The following KIAA1755 variants were observed in gnomAD, a reference collection of about 807,000 sequenced individuals.
The protein encoded by KIAA1755 is uncharacterized protein KIAA1755.
Under a neutral mutation model 91.7 loss-of-function variants are expected in KIAA1755, and 68 were observed. The observed-to-expected ratio is 0.74, with a 90% CI of 0.61 to 0.91. The LOEUF (loss-of-function observed/expected upper bound fraction) is 0.91, where lower values mean the gene tolerates loss of function less well. Among genes scored for constraint, KIAA1755 ranks in the 40% least tolerant of loss-of-function variants. KIAA1755 has a pLI of 0.00. For missense variants in KIAA1755, 1,535 were observed against 1,494.4 expected (o/e 1.03, Z -0.45); for synonymous variants, 610 against 604.6 (o/e 1.01, Z -0.13).
Position 38,241,549 on chromosome 20 carries a change from C to T in KIAA1755, c.582G>A (p.Val194=). ...GCCCCCAGGCTTGGCAGAGGGCATTCACTACTTGGGGTCTGTCATCCACAA... is the reference window on the plus strand; with the variant it reads ...GCCCCCAGGCTTGGCAGAGGGCATTTACTACTTGGGGTCTGTCATCCACAA... ...PEFVDDRPQV[V]NALCQAWGPL... The change falls in exon 3 of 14, where the codon GTG becomes GTA. Residue 194 remains valine, a synonymous_variant. Coordinates refer to ENST00000279024, the MANE Select transcript of KIAA1755 (RefSeq NM_001029864.2). 1.9e-6 allele frequency: 3 copies of T among 1,614,252 alleles called. No individual in the cohort carries two copies. Among genetic ancestry groups the T allele is most frequent in the Non-Finnish European group, 2.5e-6 (3 of 1,180,040 alleles).
At chr20:38,225,572 G>C in intron 8 of KIAA1755, 93 bp downstream of exon 8, 1 of 842,802 alleles carries the variant, frequency 1.2e-6, no homozygotes, top group Non-Finnish European at 2.1e-6. Flanking sequence ...TTATTTTTTA[G>C]CATAGCAGGG....
chr20:38,234,634 T>C (rs1046725101), intron 4 of KIAA1755, among the ~76,000 whole-genome samples: 6 of 152,212 alleles, frequency 3.9e-5, no homozygotes, highest in African/African-American at 1.4e-4. Context: ...AAGGTCACGC[T>C]GATGTAGGTA....
intron 13 of KIAA1755, among the ~76,000 whole-genome samples, chr20:38,216,036 A>G (rs2075538165): frequency 6.6e-6 from 1 of 152,122 alleles, no homozygotes; most frequent in Non-Finnish European, 1.5e-5. Context: ...TAATAGTAGT[A>G]CCTGTCTCAT....
rs558973591 is a variant in KIAA1755 at position 38,246,417 on chromosome 20, A to C, written c.4-291T>G. 1.0e-3 allele frequency among the ~76,000 whole-genome samples: 143 copies of C among 143,704 alleles called. 1 individual carries two copies. The highest frequency in any genetic ancestry group is 1.7e-3 in the Non-Finnish European group (112 of 65,358). 94.3% of individuals were successfully genotyped at this position (143,704 alleles called of 152,430 possible). On this transcript the variant is annotated intron_variant, in intron 1 of 13. Coordinates refer to ENST00000279024, the MANE Select transcript of KIAA1755 (RefSeq NM_001029864.2). The stretch of plus-strand genomic sequence containing the variant: ...ACACCTCTTGCAGGTCTTTGCTCAA[A>C]TGTCATCTGCTGATCCACGGAGACG...
In KIAA1755 at chr20:38,213,279, C is replaced by G. The variant is rs1426505860; in HGVS notation, c.3366G>C (p.Gln1122His). ...PPRGEQNRTF[Q>H]AGSPPQEAGQ... ...CAGCTTCCTGGGGTGGAGAGCCTGCCTGGAAAGTTCTGTTCTGTTCCCCTC... is the reference window on the plus strand; with the variant it reads ...CAGCTTCCTGGGGTGGAGAGCCTGCGTGGAAAGTTCTGTTCTGTTCCCCTC... The change falls in exon 14 of 14, where the codon CAG (glutamine) becomes CAC (histidine). Residue 1122 changes from glutamine to histidine, a missense_variant. Coordinates refer to ENST00000279024, the MANE Select transcript of KIAA1755 (RefSeq NM_001029864.2). The G allele has an allele frequency of 6.2e-7, 1 of 1,613,760 alleles. No homozygotes were observed. Among genetic ancestry groups the G allele is most frequent in the Non-Finnish European group, 8.5e-7 (1 of 1,179,930 alleles).
At chr20:38,220,577 G>C (rs991519049) in intron 10 of KIAA1755, among the ~76,000 whole-genome samples, 2 of 152,174 alleles carry the variant, frequency 1.3e-5, no homozygotes, top group African/African-American at 4.8e-5. Context: ...GCCTCCAAAA[G>C]TGCTGGCATT....
chr20:38,219,866 C>T, intron 10 of KIAA1755, 98 bp from the exon 11 acceptor site: 4 of 1,479,000 alleles, frequency 2.7e-6, no homozygotes, highest in South Asian at 1.3e-5. Context: ...TCTGTGGCCC[C>T]AGCCTGGGTT....
intron 11 of KIAA1755, among the ~76,000 whole-genome samples, chr20:38,219,017 A>G (rs540652140): frequency 5.8e-4 from 88 of 152,310 alleles, no homozygotes; most frequent in African/African-American, 2.0e-3. Flanking sequence ...GATCCAATGT[A>G]GCACGTACTG....
intron 1 of KIAA1755, chr20:38,260,182 C>T: frequency 1.4e-6 from 2 of 1,406,684 alleles, no homozygotes; most frequent in Non-Finnish European, 1.9e-6. Flanking sequence ...TGCAAAACCA[C>T]CCCGTTTCAG....
At chr20:38,250,600 G>A (rs2076234350) in intron 1 of KIAA1755, among the ~76,000 whole-genome samples, 1 of 151,700 alleles carries the variant, frequency 6.6e-6, no homozygotes, top group African/African-American at 2.4e-5. Flanking sequence ...CAGTTCCCCT[G>A]TATGGAGACA....
rs2076076856 is a variant in KIAA1755 at position 38,241,927 on chromosome 20, AG to A, written c.203del (p.Ala68ValfsTer17). ...GTAAGAAGAGGCAGTGTGAGTAGGGAGCCTGTGGAGAGAAGGGGATGGCATC... is the reference window on the plus strand; with the variant it reads ...GTAAGAAGAGGCAGTGTGAGTAGGGACCTGTGGAGAGAAGGGGATGGCATC... ...LCEQVREAAC[A>X]PYSHCLFLHE... On this transcript the variant is annotated frameshift_variant and splice_region_variant, in exon 3 of 14. Transcript: ENST00000279024. LOFTEE classifies it high-confidence loss of function. 1 of 1,608,386 alleles carries A rather than the reference AG, an allele frequency of 6.2e-7. No homozygotes were observed. Among genetic ancestry groups the A allele is most frequent in the Non-Finnish European group, 8.5e-7 (1 of 1,176,754 alleles).
In KIAA1755 at chr20:38,215,911, G is replaced by A. The variant is rs144877722; in HGVS notation, c.2901+1342C>T. On this transcript the variant is annotated intron_variant, in intron 13 of 13. Transcript: ENST00000279024. ...CTTCCATTGAAATCTGTCATTAGCT[G>A]GTAAGGCTGGCAGTAGAGCCAGATG... 1.7e-3 allele frequency among the ~76,000 whole-genome samples: 256 copies of A among 152,306 alleles called. 1 individual carries two copies. The highest frequency in any genetic ancestry group is 5.8e-3 in the African/African-American group (241 of 41,562).
chr20:38,223,478 C>G, intron 9 of KIAA1755, 60 bp downstream of exon 9: 1 of 1,224,848 alleles, frequency 8.2e-7, no homozygotes, highest in Non-Finnish European at 1.1e-6. Context: ...TCTCGAAGCC[C>G]TTGGTCCATG....
chr20:38,250,001 C>T (rs1314972006), intron 1 of KIAA1755, among the ~76,000 whole-genome samples: 2 of 152,174 alleles, frequency 1.3e-5, no homozygotes, highest in Non-Finnish European at 2.9e-5. Context: ...GGGCCTCTTT[C>T]CTTGTGTAAA....
rs2076054458 is a variant in KIAA1755, at chr20:38,241,139, GA to G, written c.991del (p.Ser331ProfsTer44). On this transcript the variant is annotated frameshift_variant, in exon 3 of 14. Transcript: ENST00000279024. LOFTEE classifies it high-confidence loss of function. ...CTTTGTGCAAGCCCGATTTCCCAAG[GA>G]AGGTCCTTCATTGGCCTCTGAGAGA... ...LPLSEANEGP[S>X]LGNRACTKPE... 4 of 1,614,086 alleles carry G rather than the reference GA, an allele frequency of 2.5e-6. No homozygotes were observed. Among genetic ancestry groups the G allele is most frequent in the South Asian group, 1.1e-5 (1 of 91,084 alleles).
At chr20:38,254,611 C>T (rs779980695) in intron 1 of KIAA1755, among the ~76,000 whole-genome samples, 2 of 149,906 alleles carry the variant, frequency 1.3e-5, no homozygotes, top group Non-Finnish European at 3.0e-5. Flanking sequence ...AACATAGTGA[C>T]AGCCTGTCTC....
intron 12 of KIAA1755, chr20:38,217,706 G>A (rs535157516): frequency 7.6e-5 from 44 of 578,190 alleles, no homozygotes; most frequent in East Asian, 2.6e-4. Context: ...CCAGGCCCTC[G>A]CCATGGCAGT....
In KIAA1755 at chr20:38,217,422, G is replaced by A. The variant is rs763163945; in HGVS notation, c.2732C>T (p.Ala911Val). The change falls in exon 13 of 14, where the codon GCT becomes GTT. Residue 911 changes from alanine to valine, a missense_variant. By Grantham distance (64) the Ala-to-Val change is moderately conservative. Coordinates refer to ENST00000279024, the MANE Select transcript of KIAA1755 (RefSeq NM_001029864.2). Reference protein sequence around the residue: ...ELSKQAAQLGATARGAGEAER... With the variant: ...ELSKQAAQLGVTARGAGEAER... Reference sequence around the variant, plus strand: ...TGCCTCCCCAGCCCCTCTGGCTGTAGCTCCCAGCTGAGCGGCCTGCTTGGA... The same window carrying A: ...TGCCTCCCCAGCCCCTCTGGCTGTAACTCCCAGCTGAGCGGCCTGCTTGGA... 1 of 1,612,936 alleles carries A rather than the reference G, an allele frequency of 6.2e-7. No individual in the cohort carries two copies. The highest frequency in any genetic ancestry group is 8.5e-7 in the Non-Finnish European group (1 of 1,179,672).
intron 1 of KIAA1755, among the ~76,000 whole-genome samples, chr20:38,253,447 G>T (rs2076286582): frequency 6.6e-6 from 1 of 152,158 alleles, no homozygotes; most frequent in South Asian, 2.1e-4. Flanking sequence ...TTTTACCTAT[G>T]TATGAACCCT....
Sources: gnomAD v4.1 joint callset for allele counts (sites outside exome capture counted in the v4.1 genomes callset) on GRCh38, gnomAD v4.1.1 for gene constraint, MANE v1.5 for transcripts, NCBI Gene and HGNC (gene_info 2026-07-23, HGNC 2026-07-21) for gene names.